SUMF1: variants seen among roughly 807,000 people sequenced by gnomAD.
SUMF1 encodes formylglycine-generating enzyme.
SUMF1 carries 48 observed loss-of-function variants against 47.6 expected under a neutral mutation model. The ratio of observed to expected loss-of-function variants is 1.01; its 90% CI spans 0.80 to 1.28. SUMF1 has a LOEUF of 1.28. SUMF1 is among the 50% of genes most tolerant of loss of function. SUMF1 has a pLI of 0.00. For synonymous variants in SUMF1, 230 were observed against 192.1 expected, an observed-to-expected ratio of 1.20 and a Z score of -1.63; for missense variants, 571 against 485.4, an observed-to-expected ratio of 1.18 and a Z score of -1.66.
intron 7 of SUMF1, among the ~76,000 whole-genome samples, chr3:4,392,731 TTTTTGTTCTGTTTTG>T (rs950448612): frequency 4.0e-5 from 6 of 149,562 alleles, no homozygotes; most frequent in African/African-American, 9.8e-5. Context: ...TTCCTGAAGG[TTTTTGTTCTGTTTTG>T]TTTTGTTTTG....
chr3:4,171,265 A>G (rs1354696229), intron 8 of SUMF1, among the ~76,000 whole-genome samples: 1 of 152,176 alleles, frequency 6.6e-6, no homozygotes, highest in South Asian at 2.1e-4. Flanking sequence ...AGGATTCTCT[A>G]ATACACAAGG....
At chr3:4,350,583 T>C (rs1216569225) in intron 8 of SUMF1, among the ~76,000 whole-genome samples, 2 of 152,180 alleles carry the variant, frequency 1.3e-5, no homozygotes, top group African/African-American at 4.8e-5. Flanking sequence ...TAATTTTACC[T>C]AGGTATATTA....
intron 8 of SUMF1, among the ~76,000 whole-genome samples, chr3:4,149,015 G>C (rs1056994103): frequency 1.3e-5 from 2 of 152,124 alleles, no homozygotes; most frequent in Non-Finnish European, 2.9e-5. Context: ...TGGTACGAGA[G>C]AGACCTGAAG....
At position 4,262,288 on chromosome 3, in the gene SUMF1, T is replaced by C. The variant is rs1422542615; in HGVS notation, c.1014+114042A>G. On this transcript the variant is annotated intron_variant and NMD_transcript_variant, in intron 8 of 12. Transcript: ENST00000448413. ...TGGGCCTAACATAACAAAGCAATCC[T>C]AGCCACACTGCAAGGCTTATTATAA... is the stretch of plus-strand genomic sequence containing the variant. 2.6e-5 allele frequency among the ~76,000 whole-genome samples: 4 copies of C among 152,262 alleles called. No homozygotes were observed. In the East Asian group the frequency reaches 5.8e-4, roughly 22 times the overall value.
chr3:4,121,107 A>T (rs536628477), intron 8 of SUMF1, among the ~76,000 whole-genome samples: 1 of 152,296 alleles, frequency 6.6e-6, no homozygotes, highest in Admixed American at 6.5e-5. Context: ...ACCCTGGGCT[A>T]ATCACATAAT....
chr3:4,286,136 T>C (rs983592811), intron 8 of SUMF1, among the ~76,000 whole-genome samples: 3 of 152,150 alleles, frequency 2.0e-5, no homozygotes, highest in Admixed American at 2.0e-4. Flanking sequence ...TGTTTAGTTT[T>C]TTCTCTGGTT....
chr3:4,091,119 C>T (rs1352257463), intron 8 of SUMF1, among the ~76,000 whole-genome samples: 3 of 151,688 alleles, frequency 2.0e-5, no homozygotes, highest in Non-Finnish European at 4.4e-5. Flanking sequence ...AAAAAACACA[C>T]ATTTTGGGTC....
At chr3:4,271,130 G>A (rs775053277) in intron 8 of SUMF1, among the ~76,000 whole-genome samples, 20 of 152,140 alleles carry the variant, frequency 1.3e-4, no homozygotes, top group Non-Finnish European at 2.8e-4. Context: ...GATCGATTGT[G>A]CTAATACCCA....
At chr3:4,196,338 C>T (rs1574969123) in intron 8 of SUMF1, among the ~76,000 whole-genome samples, 1 of 152,048 alleles carries the variant, frequency 6.6e-6, no homozygotes, top group African/African-American at 2.4e-5. Flanking sequence ...TACAAGTGAC[C>T]ATTCAGACCC....
intron 6 of SUMF1, among the ~76,000 whole-genome samples, chr3:4,416,459 T>C (rs1701715192): frequency 6.6e-6 from 1 of 152,236 alleles, no homozygotes; most frequent in Non-Finnish European, 1.5e-5. Flanking sequence ...GGATTTTAAA[T>C]ACTGTATCCA....
chr3:4,295,004 T>C (rs1489416757), intron 8 of SUMF1, among the ~76,000 whole-genome samples: 1 of 152,226 alleles, frequency 6.6e-6, no homozygotes, highest in African/African-American at 2.4e-5. Context: ...AAAAGAGCTT[T>C]TTCCTCTGTG....
chr3:4,339,571 C>T (rs1699226491), intron 8 of SUMF1, among the ~76,000 whole-genome samples: 1 of 151,888 alleles, frequency 6.6e-6, no homozygotes, highest in African/African-American at 2.4e-5. Flanking sequence ...GTTGTAGCTG[C>T]GGACAGGGTC....
intron 8 of SUMF1, among the ~76,000 whole-genome samples, chr3:4,283,635 A>G (rs1306849339): frequency 2.0e-5 from 3 of 152,226 alleles, no homozygotes; most frequent in African/African-American, 7.2e-5. Context: ...GCTTTAATAA[A>G]GGAAAAAAGC....
chr3:4,179,306 C>A (rs1695040391), intron 8 of SUMF1, among the ~76,000 whole-genome samples: 1 of 152,044 alleles, frequency 6.6e-6, no homozygotes, highest in African/African-American at 2.4e-5. Flanking sequence ...CTTCAGTAAC[C>A]AAAACAGCAT....
chr3:4,210,254 A>T (rs1175581993), intron 8 of SUMF1, among the ~76,000 whole-genome samples: 2 of 152,170 alleles, frequency 1.3e-5, no homozygotes, highest in African/African-American at 4.8e-5. Context: ...ATTCAATGCA[A>T]TCCAAATAAA....
At chr3:4,285,469 T>C (rs774330305) in intron 8 of SUMF1, among the ~76,000 whole-genome samples, 1 of 152,204 alleles carries the variant, frequency 6.6e-6, no homozygotes, top group Non-Finnish European at 1.5e-5. Context: ...TGAGAATGTA[T>C]GATTCTTATA....
chr3:4,051,364 C>T (rs954826118), intron 9 of SUMF1, among the ~76,000 whole-genome samples: 1 of 152,122 alleles, frequency 6.6e-6, no homozygotes, highest in African/African-American at 2.4e-5. Context: ...AACTAAGTCA[C>T]AGGACAAAGA....
chr3:4,221,702 A>G (rs529259637), intron 8 of SUMF1, among the ~76,000 whole-genome samples: 1 of 152,268 alleles, frequency 6.6e-6, no homozygotes, highest in East Asian at 1.9e-4. Context: ...AGTGAATGGG[A>G]CAGACACAGT....
chr3:4,181,434 T>C (rs187955724), intron 8 of SUMF1, among the ~76,000 whole-genome samples: 2 of 152,234 alleles, frequency 1.3e-5, no homozygotes, highest in African/African-American at 4.8e-5. Flanking sequence ...TAGAAAAATA[T>C]ATCTTCTTGG....
Sources: gnomAD v4.1 joint callset for allele counts (sites outside exome capture counted in the v4.1 genomes callset) on GRCh38, gnomAD v4.1.1 for gene constraint, MANE v1.5 for transcripts, NCBI Gene and HGNC (gene_info 2026-07-23, HGNC 2026-07-21) for gene names.